STX10: variants seen among roughly 807,000 people sequenced by gnomAD.
The protein encoded by STX10 is syntaxin 10, also known as syntaxin-10.
STX10 carries 35 observed loss-of-function variants against 34.1 expected under a neutral mutation model. The observed-to-expected ratio is 1.03, with a 90% CI of 0.78 to 1.36. The LOEUF (loss-of-function observed/expected upper bound fraction) is 1.36, where lower values mean the gene tolerates loss of function less well. STX10 is among the 40% of genes most tolerant of loss of function. The probability of loss-of-function intolerance (pLI) is 0.00; values close to 1 mark genes in which losing one functional copy is unlikely to be tolerated. For synonymous variants in STX10, 155 were observed against 132.9 expected, an observed-to-expected ratio of 1.17 and a Z score of -1.15; for missense variants, 361 against 335.5, an observed-to-expected ratio of 1.08 and a Z score of -0.59.
chr19:13,144,886 G>T lies in STX10; in HGVS notation c.472-16C>A, dbSNP rs200809285. The T allele has an allele frequency of 4.7e-5, 75 of 1,605,838 alleles. No homozygotes were observed. In the East Asian group the frequency reaches 1.6e-3, roughly 35 times the overall value. On this transcript the variant is annotated splice_polypyrimidine_tract_variant and intron_variant, in intron 5 of 7. Coordinates refer to ENST00000587230, the MANE Select transcript of STX10 (RefSeq NM_003765.3). ...CCATGATCAGCTGCAGAGCGAAGGG[G>T]TGGGAGATGCTGTTGAAAACGACCC... is the stretch of plus-strand genomic sequence containing the variant.
intron 4 of STX10, among the ~76,000 whole-genome samples, chr19:13,148,062 C>CAA (rs55668178): frequency 5.6e-5 from 3 of 53,908 alleles, no homozygotes; most frequent in Admixed American, 2.5e-4. Flanking sequence ...GACTGCATCT[C>CAA]AAAAAAAAAA....
At position 13,149,552 on chromosome 19, in the gene STX10, C is replaced by G. The variant is rs772270590; in HGVS notation, c.247G>C (p.Gly83Arg). ...ANPGKFKLPA[G>R]DLQERKVFVE... ...AACACCTTTCTCTCCTGCAGGTCCC[C>G]GGCTGGGAGCTTGAACTTGCCTGGG... The change falls in exon 3 of 8, where the codon GGG becomes CGG. Residue 83 changes from glycine (G) to arginine (R), a missense_variant. By Grantham distance (125) the Gly-to-Arg change is moderately radical. Coordinates refer to ENST00000587230, the MANE Select transcript of STX10 (RefSeq NM_003765.3). The G allele has an allele frequency of 1.2e-6, 2 of 1,614,016 alleles. No homozygotes were observed. Among genetic ancestry groups the G allele is most frequent in the Non-Finnish European group, 1.7e-6 (2 of 1,180,044 alleles).
chr19:13,147,681 G>A (rs989565296), intron 4 of STX10, among the ~76,000 whole-genome samples: 3 of 151,116 alleles, frequency 2.0e-5, no homozygotes, highest in African/African-American at 4.9e-5. Context: ...GGTGGATCAC[G>A]AGGTCAAGAG....
rs757395147 is a variant in STX10, at chr19:13,149,823, G to A, written c.110C>T (p.Ala37Val). ...CCAGTCCAGCTCCTCGCGTCCGACCGCCGCGCTTTCCTGCAGGAGCTCGCA... is the reference window on the plus strand; with the variant it reads ...CCAGTCCAGCTCCTCGCGTCCGACCACCGCGCTTTCCTGCAGGAGCTCGCA... ...RWCELLQESA[A>V]VGREELDWTT... The change falls in exon 2 of 8, where the codon GCG (alanine) becomes GTG (valine). Residue 37 changes from alanine (A) to valine (V), a missense_variant. Coordinates refer to ENST00000587230, the MANE Select transcript of STX10 (RefSeq NM_003765.3). The A allele has an allele frequency of 2.5e-6, 4 of 1,613,680 alleles. No homozygotes were observed. Among genetic ancestry groups the A allele is most frequent in the Admixed American group, 3.3e-5 (2 of 60,014 alleles).
intron 4 of STX10, among the ~76,000 whole-genome samples, chr19:13,146,215 T>A (rs1486159065): frequency 1.3e-5 from 2 of 149,450 alleles, no homozygotes; most frequent in Non-Finnish European, 3.0e-5. Flanking sequence ...AAAAATAAAA[T>A]AAAATGGGAA....
intron 4 of STX10, among the ~76,000 whole-genome samples, chr19:13,146,704 C>T (rs953546351): frequency 7.3e-5 from 11 of 151,710 alleles, no homozygotes; most frequent in African/African-American, 2.4e-4. Flanking sequence ...CCACGCCTGG[C>T]TAATTTTTGT....
chr19:13,148,986 C>T (rs951051554), intron 4 of STX10, 43 bp downstream of exon 4: 6 of 1,555,214 alleles, frequency 3.9e-6, no homozygotes, highest in Admixed American at 1.8e-5. Flanking sequence ...GGCTTGGTTA[C>T]CCCCAGGGGC....
intron 4 of STX10, among the ~76,000 whole-genome samples, chr19:13,146,967 G>A (rs1224304076): frequency 7.0e-6 from 1 of 142,970 alleles, no homozygotes; most frequent in Admixed American, 6.9e-5. Context: ...CCGACCCCAC[G>A]TACGCTTATG....
rs1430786629 is a variant in STX10, at chr19:13,149,599, C to G, written c.206-6G>C. 6.2e-7 allele frequency: 1 copy of G among 1,614,002 alleles called. No individual in the cohort carries two copies. Among genetic ancestry groups the G allele is most frequent in the Admixed American group, 1.7e-5 (1 of 60,000 alleles). ...TGGGTTGGCTTCCACTATACGTGGG[C>G]TGAGAGTCAAGGGTCAAGGCCGGAG... is the stretch of plus-strand genomic sequence containing the variant. On this transcript the variant is annotated splice_polypyrimidine_tract_variant and splice_region_variant and intron_variant, in intron 2 of 7. Transcript: ENST00000587230.
chr19:13,149,861 C>A lies in STX10; in HGVS notation c.72G>T (p.Leu24=). ...GCAGGAGCTCGCACCAGCGCTGGTA[C>A]AGCCCGCGGGCCGTGTTCACCGCCT... ...VQKAVNTARG[L]YQRWCELLQE... Residue 24 remains leucine (L), a synonymous_variant, in exon 2 of 8, where the codon CTG becomes CTT. Coordinates refer to ENST00000587230, the MANE Select transcript of STX10 (RefSeq NM_003765.3). The A allele has an allele frequency of 2.5e-6, 4 of 1,610,836 alleles. No homozygotes were observed. Among genetic ancestry groups the A allele is most frequent in the South Asian group, 1.1e-5 (1 of 90,808 alleles).
chr19:13,145,203 A>G, intron 5 of STX10, 85 bp downstream of exon 5: 1 of 1,304,896 alleles, frequency 7.7e-7, no homozygotes, highest in Non-Finnish European at 1.1e-6. Context: ...CATATCAACA[A>G]CAACAACAAC....
At position 13,150,033 on chromosome 19, in the gene STX10, C is replaced by A; in HGVS notation, c.35+106G>T. On this transcript the variant is annotated intron_variant, in intron 1 of 7. Transcript: ENST00000587230. The surrounding 1 kb of genome is among the most constrained non-coding windows in gnomAD (Gnocchi z 4.0). ...CCCTGCGTGCGCCTCCCACTCTGCA[C>A]CCCGACGGCCTTGCCCAGCCCGCCG... 15 of 1,327,250 alleles carry A rather than the reference C, an allele frequency of 1.1e-5. No individual in the cohort carries two copies. The highest frequency in any genetic ancestry group is 1.6e-5 in the Non-Finnish European group (15 of 944,694). 82.2% of individuals were successfully genotyped at this position (1,327,250 alleles called of 1,614,324 possible). A position where few individuals can be genotyped will look rare whatever the true frequency, so the allele number is the denominator to read the frequency against.
rs144529312 is a variant in STX10 at position 13,149,868 on chromosome 19, C to T, written c.65G>A (p.Arg22His). 2.5e-6 allele frequency: 4 copies of T among 1,608,968 alleles called. No homozygotes were observed. The highest frequency in any genetic ancestry group is 1.1e-5 in the South Asian group (1 of 90,640). ...CTCGCACCAGCGCTGGTACAGCCCG[C>T]GGGCCGTGTTCACCGCCTTCTGCAC... is the stretch of plus-strand genomic sequence containing the variant. ...GEVQKAVNTA[R>H]GLYQRWCELL... The change falls in exon 2 of 8, where the codon CGC becomes CAC. Residue 22 changes from arginine to histidine, a missense_variant. By Grantham distance (29) the Arg-to-His change is conservative. Transcript: ENST00000587230.
intron 7 of STX10, 39 bp from the exon 8 acceptor site, chr19:13,144,525 C>T: frequency 6.2e-7 from 1 of 1,613,854 alleles, no homozygotes; most frequent in Admixed American, 1.7e-5. Flanking sequence ...GGAGAGGGTA[C>T]CACCTACAAC....
rs2020012468 is a variant in STX10 at position 13,149,815 on chromosome 19, G to A, written c.118C>T (p.Arg40Cys). ...ELLQESAAVG[R>C]EELDWTTNEL... ...TTGGTCGTCCAGTCCAGCTCCTCGC[G>A]TCCGACCGCCGCGCTTTCCTGCAGG... Residue 40 changes from arginine to cysteine, a missense_variant, in exon 2 of 8, where the codon CGC becomes TGC. Transcript: ENST00000587230. 3 of 1,613,596 alleles carry A rather than the reference G, an allele frequency of 1.9e-6. No individual in the cohort carries two copies. The highest frequency in any genetic ancestry group is 8.5e-7 in the Non-Finnish European group (1 of 1,179,978).
intron 4 of STX10, among the ~76,000 whole-genome samples, chr19:13,146,292 C>T (rs1339063008): frequency 2.6e-5 from 4 of 152,098 alleles, no homozygotes; most frequent in Admixed American, 2.6e-4. Flanking sequence ...GGGACACTTA[C>T]AGCAGTGCCC....
chr19:13,150,310 A>C lies in STX10; in HGVS notation c.-137T>G, dbSNP rs912846512. ...CGAGAGCCGGACCGCCAGGGGAGAA[A>C]GAGAAGCCTCGGAGGCCCGACGTGC... On this transcript the variant is annotated 5_prime_UTR_variant, in exon 1 of 8. Coordinates refer to ENST00000587230, the MANE Select transcript of STX10 (RefSeq NM_003765.3). The surrounding 1 kb of genome is among the most constrained non-coding windows in gnomAD (Gnocchi z 4.0). 8 of 616,160 alleles carry C rather than the reference A, an allele frequency of 1.3e-5. No individual in the cohort carries two copies. Among genetic ancestry groups the C allele is most frequent in the Non-Finnish European group, 2.4e-5 (8 of 339,996 alleles). 38.2% of individuals were successfully genotyped at this position (616,160 alleles called of 1,614,324 possible).
intron 3 of STX10, 75 bp downstream of exon 3, chr19:13,149,424 A>AG (rs1225301905): frequency 2.2e-4 from 265 of 1,178,586 alleles, no homozygotes; most frequent in African/African-American, 4.4e-4. Context: ...AAAAAAAAAA[A>AG]AAAAAGAAAG....
intron 5 of STX10, 31 bp downstream of exon 5, chr19:13,145,257 C>T: frequency 6.3e-7 from 1 of 1,595,196 alleles, no homozygotes; most frequent in Non-Finnish European, 8.5e-7. Flanking sequence ...AGGCTCTCCC[C>T]TCCCAAGATC....
Sources: allele counts gnomAD v4.1 joint callset (sites outside exome capture counted in the v4.1 genomes callset), GRCh38; gene constraint gnomAD v4.1.1; non-coding constraint Gnocchi (gnomAD v3.1); transcripts MANE v1.5; gene names NCBI Gene and HGNC (gene_info 2026-07-23, HGNC 2026-07-21).